BLOC1S3: variants seen among roughly 807,000 people sequenced by gnomAD.
BLOC1S3 encodes biogenesis of lysosomal organelles complex 1 subunit 3.
BLOC1S3 carries 7 observed loss-of-function variants against 9.1 expected under a neutral mutation model. The ratio of observed to expected loss-of-function variants is 0.77; its 90% CI spans 0.44 to 1.45. The LOEUF is 1.45. BLOC1S3 is among the 40% of genes most tolerant of loss of function. The probability of loss-of-function intolerance (pLI) is 0.01; values close to 1 mark genes in which losing one functional copy is unlikely to be tolerated. For missense variants in BLOC1S3, 307 were observed against 315.2 expected (o/e 0.97, Z 0.20); for synonymous variants, 145 against 158.4 (o/e 0.92, Z 0.64).
intron 2 of BLOC1S3, among the ~76,000 whole-genome samples, chr19:45,200,577 T>G (rs185108998): frequency 2.2e-3 from 341 of 152,348 alleles, no homozygotes; most frequent in African/African-American, 8.1e-3. Context: ...TGAATTTCAT[T>G]GAGCTTCCTC....
chr19:45,198,196 A>C (rs911368708), intron 2 of BLOC1S3, among the ~76,000 whole-genome samples: 2 of 152,164 alleles, frequency 1.3e-5, no homozygotes, highest in African/African-American at 4.8e-5. Flanking sequence ...CGTCCAAGAA[A>C]AATACTGTGC....
At chr19:45,197,025 G>A (rs1348001911) in intron 2 of BLOC1S3, among the ~76,000 whole-genome samples, 1 of 152,090 alleles carries the variant, frequency 6.6e-6, no homozygotes, top group Non-Finnish European at 1.5e-5. Context: ...GGGCCCACGG[G>A]GTTTCCTGGG....
intron 2 of BLOC1S3, among the ~76,000 whole-genome samples, chr19:45,202,000 G>A (rs965769535): frequency 1.3e-5 from 2 of 151,928 alleles, no homozygotes; most frequent in South Asian, 2.1e-4. Flanking sequence ...GAGGCGGGTG[G>A]ATCATGAGGT....
Position 45,190,693 on chromosome 19 carries a change from C to T in BLOC1S3, n.180+2953C>T, listed in dbSNP as rs1969597764. On this transcript the variant is annotated intron_variant and non_coding_transcript_variant, in intron 2 of 3. Transcript: ENST00000591569. Reference sequence around the variant, plus strand: ...CTGGGATTACAGGCGCCAGCCACTGCACCCAACCCCAGAACAGCTAATCAA... The same window carrying T: ...CTGGGATTACAGGCGCCAGCCACTGTACCCAACCCCAGAACAGCTAATCAA... 4.6e-5 allele frequency among the ~76,000 whole-genome samples: 7 copies of T among 151,920 alleles called. No homozygotes were observed. The South Asian group carries it at 1.5e-3, about 32-fold the overall frequency.
At position 45,180,189 on chromosome 19, in the gene BLOC1S3, G is replaced by T. The variant is rs1969497951; in HGVS notation, c.*284G>T. Reference sequence around the variant, plus strand: ...CCCCTGGGGCTTGGCTCCAGCCTTTGTTACATAGTTGCTCCTTAATCTGTT... The same window carrying T: ...CCCCTGGGGCTTGGCTCCAGCCTTTTTTACATAGTTGCTCCTTAATCTGTT... On this transcript the variant is annotated 3_prime_UTR_variant, in exon 2 of 2. Coordinates refer to ENST00000433642, the MANE Select transcript of BLOC1S3 (RefSeq NM_212550.5). The T allele has an allele frequency of 9.3e-6, 3 of 323,750 alleles. No individual in the cohort carries two copies. The highest frequency in any genetic ancestry group is 1.2e-5 in the Non-Finnish European group (2 of 172,206). 20.1% of individuals were successfully genotyped at this position (323,750 alleles called of 1,614,324 possible).
chr19:45,202,134 C>A (rs1382398765), intron 2 of BLOC1S3, among the ~76,000 whole-genome samples: 1 of 146,652 alleles, frequency 6.8e-6, no homozygotes, highest in African/African-American at 2.5e-5. Context: ...ATGGCGTGAA[C>A]CCGGGAGGCA....
intron 3 of BLOC1S3, among the ~76,000 whole-genome samples, chr19:45,214,963 G>A (rs1599759378): frequency 6.6e-6 from 1 of 151,748 alleles, no homozygotes; most frequent in African/African-American, 2.4e-5. Context: ...CAAGACCAGT[G>A]TGGTCAACTT....
chr19:45,217,029 T>G (rs1487501980), downstream of BLOC1S3: 2 of 152,176 alleles, frequency 1.3e-5, no homozygotes, highest in Non-Finnish European at 2.9e-5. Context: ...GTCTTTTTTT[T>G]CTTTTTTTTT....
Position 45,207,555 on chromosome 19 carries a change from C to CAAAAA in BLOC1S3, n.282+5075_282+5079dup, listed in dbSNP as rs58164218. Among the ~76,000 whole-genome samples, 15 of 64,780 alleles carry CAAAAA rather than the reference C, an allele frequency of 2.3e-4. 1 individual carries two copies. The highest frequency in any genetic ancestry group is 3.6e-4 in the Non-Finnish European group (10 of 27,928). 42.5% of individuals were successfully genotyped at this position (64,780 alleles called of 152,430 possible). A position where few individuals can be genotyped will look rare whatever the true frequency, so the allele number is the denominator to read the frequency against. ...TGGGTGACAGAGCGAGACTCTGTCTCAAAAAAAAAAAAAAAAAAAAAAAAA... is the reference window on the plus strand; with the variant it reads ...TGGGTGACAGAGCGAGACTCTGTCTCAAAAAAAAAAAAAAAAAAAAAAAAAAAAAA... On this transcript the variant is annotated intron_variant and non_coding_transcript_variant, in intron 3 of 3. Coordinates refer to the BLOC1S3 transcript ENST00000591569.
At chr19:45,187,124 G>A (rs773892625), upstream of BLOC1S3, among the ~76,000 whole-genome samples, 6 of 152,100 alleles carry the variant, frequency 3.9e-5, no homozygotes, top group Non-Finnish European at 8.8e-5. Context: ...ACCAGGCTGG[G>A]AGAATTCCAG....
chr19:45,199,029 C>A (rs1360100535), intron 2 of BLOC1S3: 1 of 152,056 alleles, frequency 6.6e-6, no homozygotes, highest in African/African-American at 2.4e-5. Flanking sequence ...TTATTTGTTA[C>A]TTTTCTCTTG....
chr19:45,209,703 G>C (rs1478669501), intron 3 of BLOC1S3, among the ~76,000 whole-genome samples: 2 of 151,334 alleles, frequency 1.3e-5, no homozygotes, highest in Non-Finnish European at 2.9e-5. Flanking sequence ...TTACAGGCGT[G>C]AGCCACCATG....
chr19:45,193,010 G>GT (rs145205760), intron 2 of BLOC1S3, among the ~76,000 whole-genome samples: 10,792 of 151,696 alleles, frequency 0.071, 605 homozygotes, highest in Non-Finnish European at 0.1. Flanking sequence ...GCACACGCGT[G>GT]TAATCCCAGC....
chr19:45,198,112 AG>A (rs760448155), intron 2 of BLOC1S3, among the ~76,000 whole-genome samples: 2 of 152,180 alleles, frequency 1.3e-5, no homozygotes, highest in Non-Finnish European at 2.9e-5. Flanking sequence ...CTCACCCTGC[AG>A]GGCAGAGCGA....
chr19:45,215,953 C>A lies in BLOC1S3; in HGVS notation n.283-723C>A, dbSNP rs1969828830. ...ATGCCCTGGTTCCAGCAGGAAACGGCCGTCAGACACGCTCACCGGCTCCCT... is the reference window on the plus strand; with the variant it reads ...ATGCCCTGGTTCCAGCAGGAAACGGACGTCAGACACGCTCACCGGCTCCCT... On this transcript the variant is annotated intron_variant and non_coding_transcript_variant, in intron 3 of 3. Transcript: ENST00000591569. 4 of 1,405,606 alleles carry A rather than the reference C, an allele frequency of 2.8e-6. No individual in the cohort carries two copies. In the Admixed American group the frequency reaches 9.3e-5, roughly 33 times the overall value. 87.1% of individuals were successfully genotyped at this position (1,405,606 alleles called of 1,614,324 possible). A position where few individuals can be genotyped will look rare whatever the true frequency, so the allele number is the denominator to read the frequency against.
intron 2 of BLOC1S3, among the ~76,000 whole-genome samples, chr19:45,199,738 TTCTCTTCTCC>T (rs1179668902): frequency 1.3e-5 from 2 of 151,956 alleles, no homozygotes; most frequent in Non-Finnish European, 2.9e-5. Context: ...CTTTCTTCTC[TTCTCTTCTCC>T]TCCTCTCCTC....
In BLOC1S3 at chr19:45,180,710, C is replaced by T; in HGVS notation, c.*805C>T. 6.0e-6 allele frequency: 1 copy of T among 167,310 alleles called. No individual in the cohort carries two copies. 10.4% of individuals were successfully genotyped at this position (167,310 alleles called of 1,614,324 possible). A position where few individuals can be genotyped will look rare whatever the true frequency, so the allele number is the denominator to read the frequency against. On this transcript the variant is annotated 3_prime_UTR_variant, in exon 2 of 2. Coordinates refer to ENST00000433642, the MANE Select transcript of BLOC1S3 (RefSeq NM_212550.5). ...CATCCTAGCTCCACTTCCAGAACTG[C>T]CTTCACCCTAGGCTGGGTCCTTGTT...
intron 3 of BLOC1S3, among the ~76,000 whole-genome samples, chr19:45,209,880 C>T (rs975175822): frequency 2.6e-5 from 4 of 151,146 alleles, no homozygotes; most frequent in African/African-American, 4.9e-5. Flanking sequence ...TATAGGCATG[C>T]GCCACCACGC....
intron 3 of BLOC1S3, chr19:45,215,964 GCTCACCGGCTCC>G: frequency 6.8e-7 from 1 of 1,476,412 alleles, no homozygotes; most frequent in South Asian, 1.3e-5. Flanking sequence ...CGTCAGACAC[GCTCACCGGCTCC>G]CTCCCTCAGG....
Sources: gnomAD v4.1 joint callset for allele counts (sites outside exome capture counted in the v4.1 genomes callset) on GRCh38, gnomAD v4.1.1 for gene constraint, MANE v1.5 for transcripts, NCBI Gene and HGNC (gene_info 2026-07-23, HGNC 2026-07-21) for gene names.